The following PRKN variants were observed in gnomAD, a reference collection of about 807,000 sequenced individuals.
PRKN encodes the protein parkin RBR E3 ubiquitin protein ligase, also known as E3 ubiquitin-protein ligase parkin.
PRKN carries 56 observed loss-of-function variants against 59.5 expected under a neutral mutation model. That is an observed-to-expected ratio of 0.94 (90% CI 0.76 to 1.18). The LOEUF is 1.18. Ranked by LOEUF, PRKN falls within the 50% of genes most tolerant of loss-of-function variation. PRKN has a pLI of 0.00. For synonymous variants in PRKN, 250 were observed against 222.1 expected, an observed-to-expected ratio of 1.13 and a Z score of -1.12; for missense variants, 657 against 596.4, an observed-to-expected ratio of 1.10 and a Z score of -1.06.
chr6:161,737,953 A>G lies in PRKN; in HGVS notation c.871+47819T>C, dbSNP rs745927731. 4.3e-4 allele frequency among the ~76,000 whole-genome samples: 66 copies of G among 152,180 alleles called. 1 individual carries two copies. The highest frequency in any genetic ancestry group is 1.2e-4 in the Non-Finnish European group (8 of 68,034). On this transcript the variant is annotated intron_variant, in intron 7 of 11. Coordinates refer to ENST00000366898, the MANE Select transcript of PRKN (RefSeq NM_004562.3). Reference sequence around the variant, plus strand: ...CACTATTACCATTTGGAAAGATTCTATCTGCATTCCTCCAAAATAATAGTT... The same window carrying G: ...CACTATTACCATTTGGAAAGATTCTGTCTGCATTCCTCCAAAATAATAGTT...
chr6:161,802,234 CT>C (rs910500733), intron 6 of PRKN, among the ~76,000 whole-genome samples: 6 of 152,112 alleles, frequency 3.9e-5, no homozygotes, highest in Non-Finnish European at 5.9e-5. Context: ...ATGGCTCCCC[CT>C]GGTCATTCAG....
chr6:161,730,956 T>C lies in PRKN; in HGVS notation c.871+54816A>G, dbSNP rs770414307. 1.2e-4 allele frequency among the ~76,000 whole-genome samples: 18 copies of C among 152,178 alleles called. 1 individual carries two copies. Among genetic ancestry groups the C allele is most frequent in the Admixed American group, 9.8e-4 (15 of 15,272 alleles). ...GTTGCATTCTTTCTGATGTGTTGCATTCTGATGTGTTGCATTCTTTCTGAT... is the reference window on the plus strand; with the variant it reads ...GTTGCATTCTTTCTGATGTGTTGCACTCTGATGTGTTGCATTCTTTCTGAT... On this transcript the variant is annotated intron_variant, in intron 7 of 11. Coordinates refer to ENST00000366898, the MANE Select transcript of PRKN (RefSeq NM_004562.3).
intron 7 of PRKN, among the ~76,000 whole-genome samples, chr6:161,729,474 T>C (rs1354923608): frequency 1.3e-5 from 2 of 152,198 alleles, no homozygotes; most frequent in Admixed American, 6.5e-5. Context: ...GTTGGAAAAA[T>C]GTCTTCAGGT....
intron 1 of PRKN, among the ~76,000 whole-genome samples, chr6:162,529,830 GA>G (rs1778436979): frequency 6.6e-6 from 1 of 152,144 alleles, no homozygotes; most frequent in Non-Finnish European, 1.5e-5. Flanking sequence ...AGCAACAGTA[GA>G]TAAAGTAAAA....
chr6:161,626,563 G>A (rs560239394), intron 7 of PRKN, among the ~76,000 whole-genome samples: 9 of 152,294 alleles, frequency 5.9e-5, no homozygotes, highest in Non-Finnish European at 1.0e-4. Context: ...GGAGGATGCC[G>A]GCAAAGCTGA....
rs897671302 is a variant in PRKN at position 161,429,010 on chromosome 6, A to G, written c.1084-42133T>C. 6.6e-6 allele frequency among the ~76,000 whole-genome samples: 1 copy of G among 152,150 alleles called. No individual in the cohort carries two copies. The highest frequency in any genetic ancestry group is 1.5e-5 in the Non-Finnish European group (1 of 68,024). ...GGTCAGCTGGTTCAAGAAGGGGGAAAGTTTTGCTCATGTCCAAGAGATAAC... is the reference window on the plus strand; with the variant it reads ...GGTCAGCTGGTTCAAGAAGGGGGAAGGTTTTGCTCATGTCCAAGAGATAAC... On this transcript the variant is annotated intron_variant, in intron 9 of 11. Coordinates refer to ENST00000366898, the MANE Select transcript of PRKN (RefSeq NM_004562.3). This position sits in a 1 kb window ranked among gnomAD's most constrained non-coding sequence, Gnocchi z 4.2.
chr6:162,375,764 C>CACACACACACAA lies in PRKN; in HGVS notation c.171+67545_171+67546insTTGTGTGTGTGT, dbSNP rs1444569650. ...TTGTACACACACACACACACACACA[C>CACACACACACAA]AAACACACACCCCACTCTCTCTCTC... On this transcript the variant is annotated intron_variant, in intron 2 of 11. Transcript: ENST00000366898. Among the ~76,000 whole-genome samples the CACACACACACAA allele has an allele frequency of 3.3e-5, 5 of 151,158 alleles. No individual in the cohort carries two copies. In the East Asian group the frequency reaches 7.8e-4, roughly 24 times the overall value.
chr6:161,726,326 T>C (rs565106538), intron 7 of PRKN, among the ~76,000 whole-genome samples: 4 of 152,258 alleles, frequency 2.6e-5, no homozygotes, highest in African/African-American at 9.6e-5. Flanking sequence ...ATTTATTCTA[T>C]GTAAACAGAG....
At chr6:162,651,467 T>C (rs917148939) in intron 1 of PRKN, among the ~76,000 whole-genome samples, 2 of 152,190 alleles carry the variant, frequency 1.3e-5, no homozygotes, top group Non-Finnish European at 2.9e-5. Context: ...GATTACCAAA[T>C]GCTCTCTCAA....
intron 4 of PRKN, among the ~76,000 whole-genome samples, chr6:162,161,695 T>G (rs1435374598): frequency 1.3e-5 from 2 of 152,102 alleles, no homozygotes; most frequent in Non-Finnish European, 2.9e-5. Context: ...ACGCAGATAA[T>G]CCTCCTTCTG....
Position 161,991,374 on chromosome 6 carries a change from C to G in PRKN, c.619-17957G>C, listed in dbSNP as rs189696082. Among the ~76,000 whole-genome samples, 473 of 152,156 alleles carry G rather than the reference C, an allele frequency of 3.1e-3. 2 individuals carry two copies. Among genetic ancestry groups the G allele is most frequent in the Middle Eastern group, 0.014 (4 of 294 alleles). ...CAAATGCTACTATTACAGAAAACCA[C>G]CAAACCACAATGATAAACAACAAAA... On this transcript the variant is annotated intron_variant, in intron 5 of 11. Transcript: ENST00000366898.
chr6:162,040,406 CTT>C (rs35510397), intron 5 of PRKN, among the ~76,000 whole-genome samples: 22 of 139,646 alleles, frequency 1.6e-4, no homozygotes, highest in Admixed American at 2.9e-4. Context: ...ATTAGAACCA[CTT>C]TTTTTTTTTT....
chr6:162,518,433 T>A (rs1216793796), intron 1 of PRKN, among the ~76,000 whole-genome samples: 3 of 152,212 alleles, frequency 2.0e-5, no homozygotes, highest in African/African-American at 7.2e-5. Flanking sequence ...TGGCGCAATC[T>A]CGGCTCACTG....
intron 2 of PRKN, among the ~76,000 whole-genome samples, chr6:162,353,843 T>A (rs751447249): frequency 3.3e-5 from 5 of 152,174 alleles, no homozygotes; most frequent in Non-Finnish European, 7.3e-5. Flanking sequence ...GTGTCTGTAG[T>A]GTCAGTATTT....
Position 161,550,227 on chromosome 6 carries a change from A to G in PRKN, c.934-1224T>C, listed in dbSNP as rs1405836996. ...GAGGCAGAGAGAACAAGGAGGGAAAAAAACAGAAGGTGAAGTTGGAGAGTT... is the reference window on the plus strand; with the variant it reads ...GAGGCAGAGAGAACAAGGAGGGAAAGAAACAGAAGGTGAAGTTGGAGAGTT... On this transcript the variant is annotated intron_variant, in intron 8 of 11. Coordinates refer to ENST00000366898, the MANE Select transcript of PRKN (RefSeq NM_004562.3). The surrounding 1 kb of genome is among the most constrained non-coding windows in gnomAD (Gnocchi z 4.0). Among the ~76,000 whole-genome samples the G allele has an allele frequency of 6.6e-6, 1 of 152,176 alleles. No homozygotes were observed. The highest frequency in any genetic ancestry group is 2.4e-5 in the African/African-American group (1 of 41,442).
At chr6:162,708,562 G>C (rs1192286908) in intron 1 of PRKN, among the ~76,000 whole-genome samples, 1 of 152,146 alleles carries the variant, frequency 6.6e-6, no homozygotes, top group Admixed American at 6.5e-5. Flanking sequence ...AACATTAAAT[G>C]AAACATGAAA....
intron 6 of PRKN, among the ~76,000 whole-genome samples, chr6:161,912,003 C>T (rs1444859585): frequency 6.6e-6 from 1 of 151,888 alleles, no homozygotes; most frequent in Non-Finnish European, 1.5e-5. Context: ...CATGGTGAAA[C>T]ACCGTCTCTA....
rs568243057 is a variant in PRKN at position 161,417,921 on chromosome 6, C to T, written c.1084-31044G>A. Among the ~76,000 whole-genome samples, 1 of 152,318 alleles carries T rather than the reference C, an allele frequency of 6.6e-6. No homozygotes were observed. The highest frequency in any genetic ancestry group is 2.1e-4 in the South Asian group (1 of 4,832). ...ACCTAGACGCAGACTCAGTGGCCCA[C>T]CCAGGGGCATGAGTAATGCTGGGAG... On this transcript the variant is annotated intron_variant, in intron 9 of 11. Transcript: ENST00000366898. The surrounding 1 kb of genome is among the most constrained non-coding windows in gnomAD (Gnocchi z 5.4).
At position 161,495,252 on chromosome 6, in the gene PRKN, G is replaced by A. The variant is rs118122881; in HGVS notation, c.1083+53602C>T. The stretch of plus-strand genomic sequence containing the variant: ...CATTTTGAGTGCTCCAAGGACGCTG[G>A]CTAGTGGCCACTGCATTGCCCGGCA... On this transcript the variant is annotated intron_variant, in intron 9 of 11. Transcript: ENST00000366898. Among the ~76,000 whole-genome samples, 59 of 152,254 alleles carry A rather than the reference G, an allele frequency of 3.9e-4. No individual in the cohort carries two copies. The East Asian group carries it at 0.011, about 28-fold the overall frequency.
Sources: allele counts gnomAD v4.1 joint callset (sites outside exome capture counted in the v4.1 genomes callset), GRCh38; gene constraint gnomAD v4.1.1; non-coding constraint Gnocchi (gnomAD v3.1); transcripts MANE v1.5; gene names NCBI Gene and HGNC (gene_info 2026-07-23, HGNC 2026-07-21).